Variants in CHODL observed in about 807,000 individuals in gnomAD.
CHODL encodes the protein chondrolectin.
Under a neutral mutation model 34.5 loss-of-function variants are expected in CHODL, and 29 were observed. The ratio of observed to expected loss-of-function variants is 0.84; its 90% CI spans 0.63 to 1.15. The LOEUF is 1.15. Among genes scored for constraint, CHODL ranks in the 50% most tolerant of loss-of-function variants. CHODL has a pLI of 0.00. For synonymous variants in CHODL, 125 were observed against 116.1 expected, an observed-to-expected ratio of 1.08 and a Z score of -0.49; for missense variants, 332 against 332.5, an observed-to-expected ratio of 1.00 and a Z score of 0.01.
At chr21:18,170,693 A>G (rs904606970) in intron 2 of CHODL, among the ~76,000 whole-genome samples, 4 of 152,092 alleles carry the variant, frequency 2.6e-5, no homozygotes, top group Non-Finnish European at 5.9e-5. Context: ...TTTTCTCTCT[A>G]TCCTCTGAAC....
intron 1 of CHODL, among the ~76,000 whole-genome samples, chr21:18,010,798 G>A (rs1299018668): frequency 6.6e-6 from 1 of 152,134 alleles, no homozygotes; most frequent in African/African-American, 2.4e-5. Context: ...TTCCATTTAA[G>A]CTTTTTAGCA....
intron 1 of CHODL, among the ~76,000 whole-genome samples, chr21:18,005,800 G>A (rs923453308): frequency 6.6e-5 from 10 of 152,104 alleles, no homozygotes; most frequent in Non-Finnish European, 1.2e-4. Flanking sequence ...ATGGACACAT[G>A]GGGGGAAACA....
chr21:18,031,001 T>A (rs1340270614), intron 2 of CHODL, among the ~76,000 whole-genome samples: 1 of 152,180 alleles, frequency 6.6e-6, no homozygotes, highest in Non-Finnish European at 1.5e-5. Flanking sequence ...CAACAACTGT[T>A]TGAAGCCATA....
At position 18,257,128 on chromosome 21, in the gene CHODL, G is replaced by A; in HGVS notation, c.547+1G>A. On this transcript the variant is annotated splice_donor_variant, in intron 3 of 5. Transcript: ENST00000299295. LOFTEE classifies it high-confidence loss of function. ...AATTATATTTGCAAGTATGAACCAG[G>A]TAAGCAGTAGCAAAAGAAGGTATAG... is the stretch of plus-strand genomic sequence containing the variant. 1 of 1,605,298 alleles carries A rather than the reference G, an allele frequency of 6.2e-7. No individual in the cohort carries two copies. Among genetic ancestry groups the A allele is most frequent in the Non-Finnish European group, 8.5e-7 (1 of 1,176,112 alleles).
At chr21:18,012,297 CTG>C (rs1174301600) in intron 1 of CHODL, among the ~76,000 whole-genome samples, 1 of 152,174 alleles carries the variant, frequency 6.6e-6, no homozygotes, top group Non-Finnish European at 1.5e-5. Context: ...TAATTGTCCT[CTG>C]TCTTTACTTT....
intron 1 of CHODL, among the ~76,000 whole-genome samples, chr21:17,995,901 A>G (rs995296373): frequency 2.0e-5 from 3 of 152,222 alleles, no homozygotes; most frequent in African/African-American, 7.2e-5. Context: ...AGGTGAGATG[A>G]AAGTATCTCC....
At chr21:18,211,844 GTTGCAT>G (rs2073778087) in intron 2 of CHODL, among the ~76,000 whole-genome samples, 2 of 152,188 alleles carry the variant, frequency 1.3e-5, no homozygotes, top group African/African-American at 4.8e-5. Context: ...GTTTTTGCTA[GTTGCAT>G]TTTTTTATTT....
At position 17,970,891 on chromosome 21, in the gene CHODL, A is replaced by AC. The variant is rs1252989689; in HGVS notation, c.-145+53497dup. Reference sequence around the variant, plus strand: ...TAATGCTATCCCTCCCCTAGCCCCCACCCCCCAACAGGCCCTGGTGTGTGA... The same window carrying AC: ...TAATGCTATCCCTCCCCTAGCCCCCACCCCCCCAACAGGCCCTGGTGTGTGA... On this transcript the variant is annotated intron_variant, in intron 1 of 6. Coordinates refer to the CHODL transcript ENST00000400127. Among the ~76,000 whole-genome samples, 33 of 149,480 alleles carry AC rather than the reference A, an allele frequency of 2.2e-4. No homozygotes were observed. The East Asian group carries it at 6.5e-3, about 29-fold the overall frequency.
chr21:18,245,055 A>T lies in CHODL; in HGVS notation c.-169A>T, dbSNP rs2074120550. The stretch of plus-strand genomic sequence containing the variant: ...GCGCGGCACAGGCGCGGCAGGCGGC[A>T]GGTCCCGGCCGAAGGCGATGCGCGC... On this transcript the variant is annotated 5_prime_UTR_variant, in exon 1 of 6. Transcript: ENST00000299295. 2 of 527,062 alleles carry T rather than the reference A, an allele frequency of 3.8e-6. No homozygotes were observed. Among genetic ancestry groups the T allele is most frequent in the African/African-American group, 2.0e-5 (1 of 49,376 alleles). 32.6% of individuals were successfully genotyped at this position (527,062 alleles called of 1,614,324 possible). A position where few individuals can be genotyped will look rare whatever the true frequency, so the allele number is the denominator to read the frequency against.
At chr21:18,192,323 C>A (rs1410587015) in intron 2 of CHODL, among the ~76,000 whole-genome samples, 1 of 152,102 alleles carries the variant, frequency 6.6e-6, no homozygotes, top group Non-Finnish European at 1.5e-5. Context: ...GCTGCAGTTT[C>A]CAACTTGTTA....
chr21:17,935,151 G>C (rs1234845575), intron 1 of CHODL, among the ~76,000 whole-genome samples: 3 of 152,070 alleles, frequency 2.0e-5, no homozygotes, highest in Non-Finnish European at 1.5e-5. Context: ...TTTGGACCTG[G>C]CAACACCCAC....
chr21:18,052,220 A>C (rs1258912924), intron 2 of CHODL, among the ~76,000 whole-genome samples: 2 of 151,982 alleles, frequency 1.3e-5, no homozygotes, highest in Non-Finnish European at 2.9e-5. Context: ...AGTGATAAAC[A>C]GCAGGGCATA....
intron 1 of CHODL, among the ~76,000 whole-genome samples, chr21:18,247,069 T>C (rs2074150141): frequency 6.6e-6 from 1 of 152,234 alleles, no homozygotes; most frequent in Admixed American, 6.5e-5. Flanking sequence ...CATCTATAAA[T>C]TGATTTGTGA....
chr21:17,974,189 T>C (rs1039126167), intron 1 of CHODL, among the ~76,000 whole-genome samples: 3 of 152,184 alleles, frequency 2.0e-5, no homozygotes, highest in African/African-American at 4.8e-5. Context: ...CAAAATGACA[T>C]TGATAATAAA....
intron 2 of CHODL, among the ~76,000 whole-genome samples, chr21:18,087,260 G>A (rs1253976292): frequency 2.6e-5 from 4 of 152,122 alleles, no homozygotes; most frequent in Non-Finnish European, 4.4e-5. Context: ...CAGTTTCACA[G>A]GAGCCCATAG....
At chr21:18,105,884 C>A (rs2065266768) in intron 2 of CHODL, among the ~76,000 whole-genome samples, 1 of 152,126 alleles carries the variant, frequency 6.6e-6, no homozygotes, top group Admixed American at 6.5e-5. Context: ...CCTGGAAAAT[C>A]ACTTCTGTGT....
At chr21:18,063,415 C>T (rs748342877) in intron 2 of CHODL, among the ~76,000 whole-genome samples, 5 of 152,070 alleles carry the variant, frequency 3.3e-5, no homozygotes, top group Non-Finnish European at 7.4e-5. Context: ...ATATTGAAGA[C>T]GAACAGCATG....
rs146224394 is a variant in CHODL at position 18,118,593 on chromosome 21, T to A, written c.-45+90622T>A. Among the ~76,000 whole-genome samples the A allele has an allele frequency of 7.8e-3, 1,191 of 152,336 alleles. 3 individuals carry two copies. The highest frequency in any genetic ancestry group is 0.017 in the Admixed American group (260 of 15,298). On this transcript the variant is annotated intron_variant, in intron 2 of 6. Transcript: ENST00000400127. ...TAACAAATGCATCTTAAATGGGTCC[T>A]ATATTTCATGTAATTATCTTGACAC...
At chr21:17,923,696 C>T (rs1311771039) in intron 1 of CHODL, among the ~76,000 whole-genome samples, 4 of 152,004 alleles carry the variant, frequency 2.6e-5, no homozygotes, top group East Asian at 3.9e-4. Flanking sequence ...CTCCTGACCT[C>T]GTGATTCGCC....
Sources: allele counts gnomAD v4.1 joint callset (sites outside exome capture counted in the v4.1 genomes callset), GRCh38; gene constraint gnomAD v4.1.1; transcripts MANE v1.5; gene names NCBI Gene and HGNC (gene_info 2026-07-23, HGNC 2026-07-21).